Variants in TMEM132C observed in about 807,000 individuals in gnomAD.
The protein encoded by TMEM132C is transmembrane protein 132C.
A neutral mutation model predicts 61.4 loss-of-function variants in TMEM132C; 29 were observed. That is an observed-to-expected ratio of 0.47 (90% CI 0.35 to 0.64). The LOEUF (loss-of-function observed/expected upper bound fraction) is 0.64, where lower values mean the gene tolerates loss of function less well. Among genes scored for constraint, TMEM132C ranks in the 30% least tolerant of loss-of-function variants. The probability of loss-of-function intolerance (pLI) is 0.00; values close to 1 mark genes in which losing one functional copy is unlikely to be tolerated. For synonymous variants in TMEM132C, 656 were observed against 633.1 expected, an observed-to-expected ratio of 1.04 and a Z score of -0.54; for missense variants, 1,408 against 1,476.9, an observed-to-expected ratio of 0.95 and a Z score of 0.76.
chr12:128,327,353 C>T lies in TMEM132C; in HGVS notation c.85+59866C>T, dbSNP rs542886178. 2.3e-4 allele frequency among the ~76,000 whole-genome samples: 33 copies of T among 144,990 alleles called. No homozygotes were observed. The East Asian group carries it at 6.2e-3, about 27-fold the overall frequency. On this transcript the variant is annotated intron_variant, in intron 1 of 8. Coordinates refer to ENST00000435159, the MANE Select transcript of TMEM132C (RefSeq NM_001136103.3). The stretch of plus-strand genomic sequence containing the variant: ...GAACGTGTGCCCCAGGTGCCCGGGG[C>T]GCAGCTTGGTTTGTTTGTTTGTTTG...
At chr12:128,674,637 G>A (rs1473557383) in intron 5 of TMEM132C, among the ~76,000 whole-genome samples, 2 of 152,186 alleles carry the variant, frequency 1.3e-5, no homozygotes, top group Non-Finnish European at 2.9e-5. Flanking sequence ...CAGAGCTACA[G>A]TGTGCTCACC....
intron 1 of TMEM132C, among the ~76,000 whole-genome samples, chr12:128,293,189 G>A (rs1252639925): frequency 6.6e-6 from 1 of 152,104 alleles, no homozygotes; most frequent in Non-Finnish European, 1.5e-5. Flanking sequence ...GTCTCATTTT[G>A]CACCTCTCCA....
At chr12:128,430,455 G>A (rs970337867) in intron 2 of TMEM132C, among the ~76,000 whole-genome samples, 1 of 152,104 alleles carries the variant, frequency 6.6e-6, no homozygotes, top group African/African-American at 2.4e-5. Context: ...ACCATTTCTT[G>A]TAAATGCATA....
At chr12:128,640,602 T>C (rs1303461272) in intron 4 of TMEM132C, among the ~76,000 whole-genome samples, 2 of 152,160 alleles carry the variant, frequency 1.3e-5, no homozygotes, top group Non-Finnish European at 2.9e-5. Context: ...AATTATATAT[T>C]TTAAATGAGT....
chr12:128,507,535 A>G (rs1460165332), intron 2 of TMEM132C, among the ~76,000 whole-genome samples: 1 of 151,916 alleles, frequency 6.6e-6, no homozygotes, highest in African/African-American at 2.4e-5. Flanking sequence ...CTTGTAGGAA[A>G]AGCTCCAGAA....
At chr12:128,596,490 C>G (rs1242352024) in intron 3 of TMEM132C, among the ~76,000 whole-genome samples, 1 of 148,192 alleles carries the variant, frequency 6.7e-6, no homozygotes, top group Non-Finnish European at 1.5e-5. Flanking sequence ...CTCCGTCACA[C>G]TGGGCTGCCC....
At chr12:128,662,515 G>A (rs77411805) in intron 4 of TMEM132C, among the ~76,000 whole-genome samples, 9,331 of 152,178 alleles carry the variant, frequency 0.061, 841 homozygotes, top group African/African-American at 0.2. Flanking sequence ...TTGACCTGCC[G>A]AGAAGTTGTG....
intron 3 of TMEM132C, among the ~76,000 whole-genome samples, chr12:128,584,666 G>A (rs2135561781): frequency 6.6e-6 from 1 of 152,352 alleles, no homozygotes; most frequent in South Asian, 2.1e-4. Flanking sequence ...AGACCCAGCA[G>A]GTGCTCACAC....
At chr12:128,499,662 T>A (rs903283712) in intron 2 of TMEM132C, among the ~76,000 whole-genome samples, 37 of 152,228 alleles carry the variant, frequency 2.4e-4, no homozygotes, top group African/African-American at 8.4e-4. Flanking sequence ...GTGCCTGGCT[T>A]ATTTCACTGA....
rs149021163 is a variant in TMEM132C at position 128,373,697 on chromosome 12, A to T, written c.86-41035A>T. ...ACTGCTAAGCCAGATCTTAGAGGAT[A>T]CGAAAGGATTCCTTTGGGGGATGGG... On this transcript the variant is annotated intron_variant, in intron 1 of 8. Coordinates refer to ENST00000435159, the MANE Select transcript of TMEM132C (RefSeq NM_001136103.3). Among the ~76,000 whole-genome samples, 9 of 152,356 alleles carry T rather than the reference A, an allele frequency of 5.9e-5. No homozygotes were observed. In the East Asian group the frequency reaches 1.7e-3, roughly 29 times the overall value.
At chr12:128,300,733 G>T (rs549408799) in intron 1 of TMEM132C, among the ~76,000 whole-genome samples, 5 of 152,228 alleles carry the variant, frequency 3.3e-5, no homozygotes, top group Admixed American at 3.3e-4. Context: ...GGAGCTAAGC[G>T]CCTATTAAAA....
chr12:128,453,619 G>A (rs1478503942), intron 2 of TMEM132C, among the ~76,000 whole-genome samples: 1 of 152,164 alleles, frequency 6.6e-6, no homozygotes, highest in African/African-American at 2.4e-5. Flanking sequence ...AAGAAGGGTG[G>A]GAAAGAGGGC....
In TMEM132C at chr12:128,326,210, G is replaced by A. The variant is rs1872510510; in HGVS notation, c.85+58723G>A. 6.6e-6 allele frequency among the ~76,000 whole-genome samples: 1 copy of A among 152,064 alleles called. No homozygotes were observed. Among genetic ancestry groups the A allele is most frequent in the South Asian group, 2.1e-4 (1 of 4,816 alleles). The stretch of plus-strand genomic sequence containing the variant: ...AATTATTTATCAAATTGCAAAAGAG[G>A]CAGTAAGACAAAAATCTGTCTTGGT... On this transcript the variant is annotated intron_variant, in intron 1 of 8. Transcript: ENST00000435159. The surrounding 1 kb of genome is among the most constrained non-coding windows in gnomAD (Gnocchi z 5.6).
chr12:128,591,795 T>TA (rs1054669381), intron 3 of TMEM132C, among the ~76,000 whole-genome samples: 1 of 152,134 alleles, frequency 6.6e-6, no homozygotes, highest in Non-Finnish European at 1.5e-5. Context: ...CTCATGCCTG[T>TA]AATCCCAGCA....
intron 1 of TMEM132C, among the ~76,000 whole-genome samples, chr12:128,342,009 C>CTT (rs879833084): frequency 6.9e-6 from 1 of 145,714 alleles, no homozygotes; most frequent in Non-Finnish European, 1.5e-5. Flanking sequence ...GGCCACACTT[C>CTT]TTTTTTTTTT....
At chr12:128,474,393 A>G (rs1229655451) in intron 2 of TMEM132C, among the ~76,000 whole-genome samples, 1 of 152,182 alleles carries the variant, frequency 6.6e-6, no homozygotes, top group Admixed American at 6.5e-5. Context: ...TGTTGCTCAA[A>G]GACCTCACTG....
intron 5 of TMEM132C, among the ~76,000 whole-genome samples, chr12:128,691,802 G>C (rs59511141): frequency 3.9e-5 from 5 of 129,494 alleles, no homozygotes; most frequent in African/African-American, 6.0e-5. Flanking sequence ...CTCAGTGTGT[G>C]CATGCACCCA....
intron 2 of TMEM132C, among the ~76,000 whole-genome samples, chr12:128,465,312 A>T (rs1010489748): frequency 5.3e-5 from 8 of 150,958 alleles, no homozygotes; most frequent in African/African-American, 1.9e-4. Context: ...CATTCTCCTG[A>T]CTCAGCCTCC....
intron 1 of TMEM132C, among the ~76,000 whole-genome samples, chr12:128,299,694 G>A (rs1396857902): frequency 1.3e-5 from 2 of 152,180 alleles, no homozygotes; most frequent in African/African-American, 2.4e-5. Flanking sequence ...TCAGGCAAGG[G>A]TGTATAGCTT....
Sources: allele counts gnomAD v4.1 joint callset (sites outside exome capture counted in the v4.1 genomes callset), GRCh38; gene constraint gnomAD v4.1.1; non-coding constraint Gnocchi (gnomAD v3.1); transcripts MANE v1.5; gene names NCBI Gene and HGNC (gene_info 2026-07-23, HGNC 2026-07-21).